The following ST6GAL2 variants were observed in gnomAD, a reference collection of about 807,000 sequenced individuals.
The protein encoded by ST6GAL2 is beta-galactoside alpha-2,6-sialyltransferase 2.
ST6GAL2 carries 24 observed loss-of-function variants against 37.5 expected under a neutral mutation model. The ratio of observed to expected loss-of-function variants is 0.64; its 90% CI spans 0.46 to 0.90. The LOEUF (loss-of-function observed/expected upper bound fraction) is 0.90. Among genes scored for constraint, ST6GAL2 ranks in the 40% least tolerant of loss-of-function variants. The pLI is 0.00. For missense variants in ST6GAL2, 715 were observed against 712.7 expected, an observed-to-expected ratio of 1.00 and a Z score of -0.04; for synonymous variants, 306 against 295.1, an observed-to-expected ratio of 1.04 and a Z score of -0.38.
intron 5 of ST6GAL2, among the ~76,000 whole-genome samples, chr2:106,824,714 C>G: frequency 6.6e-6 from 1 of 152,240 alleles, no homozygotes; most frequent in East Asian, 1.9e-4. Flanking sequence ...TGAAAATATA[C>G]AAAAATGTTA....
At position 106,830,168 on chromosome 2, in the gene ST6GAL2, A is replaced by G; in HGVS notation, c.1216T>C (p.Phe406Leu). Reference protein sequence around the residue: ...QHRQRNPNQPFYILHPKFIWQ... With the variant: ...QHRQRNPNQPLYILHPKFIWQ... ...ATAAATTTAGGATGAAGAATGTAAA[A>G]TGGCTGATTTGGGTTTCTCTGACGA... Residue 406 changes from phenylalanine to leucine, a missense_variant, in exon 5 of 6, where the codon TTT becomes CTT. By Grantham distance (22) the Phe-to-Leu change is conservative. Coordinates refer to ENST00000409382, the MANE Select transcript of ST6GAL2 (RefSeq NM_001142351.2). 6.2e-7 allele frequency: 1 copy of G among 1,613,978 alleles called. No homozygotes were observed. The highest frequency in any genetic ancestry group is 8.5e-7 in the Non-Finnish European group (1 of 1,179,984).
intron 5 of ST6GAL2, among the ~76,000 whole-genome samples, chr2:106,824,713 A>C (rs1676137519): frequency 6.6e-6 from 1 of 152,252 alleles, no homozygotes; most frequent in Non-Finnish European, 1.5e-5. Context: ...ATGAAAATAT[A>C]CAAAAATGTT....
chr2:106,822,510 T>C (rs1010214443), intron 5 of ST6GAL2, among the ~76,000 whole-genome samples: 2 of 152,142 alleles, frequency 1.3e-5, no homozygotes, highest in Non-Finnish European at 2.9e-5. Context: ...CACAAAAATA[T>C]GGAAATATAT....
chr2:106,854,037 A>G (rs558210869), intron 1 of ST6GAL2, among the ~76,000 whole-genome samples: 1 of 152,352 alleles, frequency 6.6e-6, no homozygotes, highest in Non-Finnish European at 1.5e-5. Context: ...TAATACTAAG[A>G]AGATGGAAGA....
intron 5 of ST6GAL2, among the ~76,000 whole-genome samples, chr2:106,807,463 TTATAC>T (rs1675455606): frequency 6.6e-6 from 1 of 152,202 alleles, no homozygotes; most frequent in Non-Finnish European, 1.5e-5. Context: ...GGATCAGCTC[TTATAC>T]TATAGTTGTC....
At chr2:106,885,652 G>C (rs1291699095) in intron 1 of ST6GAL2, among the ~76,000 whole-genome samples, 1 of 152,000 alleles carries the variant, frequency 6.6e-6, no homozygotes, top group Non-Finnish European at 1.5e-5. Flanking sequence ...ACCCAAAAGC[G>C]GAGTTTGCCG....
At chr2:106,818,557 C>T (rs566630447) in intron 5 of ST6GAL2, among the ~76,000 whole-genome samples, 8 of 152,120 alleles carry the variant, frequency 5.3e-5, no homozygotes, top group Non-Finnish European at 1.2e-4. Flanking sequence ...TGACCAAAAA[C>T]TTAGATCATA....
At chr2:106,870,672 G>T (rs1361255036) in intron 1 of ST6GAL2, among the ~76,000 whole-genome samples, 1 of 152,060 alleles carries the variant, frequency 6.6e-6, no homozygotes, top group Non-Finnish European at 1.5e-5. Context: ...CATTCTTCAG[G>T]TTCACAGGTT....
chr2:106,808,642 G>A (rs1675503999), intron 5 of ST6GAL2, among the ~76,000 whole-genome samples: 6 of 152,096 alleles, frequency 3.9e-5, no homozygotes, highest in Admixed American at 3.3e-4. Context: ...CCAGATGCTC[G>A]AAATGTCTGC....
intron 1 of ST6GAL2, among the ~76,000 whole-genome samples, chr2:106,847,790 G>A (rs1677200959): frequency 6.6e-6 from 1 of 151,992 alleles, no homozygotes; most frequent in African/African-American, 2.4e-5. Context: ...AGATCTAGGG[G>A]GGATGCAGTT....
intron 1 of ST6GAL2, among the ~76,000 whole-genome samples, chr2:106,872,500 G>A (rs140224444): frequency 3.3e-5 from 5 of 152,182 alleles, no homozygotes; most frequent in Non-Finnish European, 7.4e-5. Context: ...TCCACACTTA[G>A]GCTCTTCTTT....
intron 2 of ST6GAL2, among the ~76,000 whole-genome samples, chr2:106,842,054 G>A (rs1676906677): frequency 6.6e-6 from 1 of 152,176 alleles, no homozygotes; most frequent in Admixed American, 6.5e-5. Context: ...CAAGCCAGGT[G>A]AATGCTTTAA....
intron 1 of ST6GAL2, among the ~76,000 whole-genome samples, chr2:106,850,220 A>C (rs1190453504): frequency 6.6e-6 from 1 of 152,200 alleles, no homozygotes; most frequent in Admixed American, 6.5e-5. Context: ...AGAGGATGTC[A>C]GAGGACACAA....
chr2:106,837,106 C>T (rs565553044), intron 2 of ST6GAL2, among the ~76,000 whole-genome samples: 5 of 152,148 alleles, frequency 3.3e-5, no homozygotes, highest in African/African-American at 7.2e-5. Context: ...GTGACAGGCT[C>T]GCTTGATTCC....
At chr2:106,841,889 T>G (rs1281820330) in intron 2 of ST6GAL2, among the ~76,000 whole-genome samples, 1 of 152,052 alleles carries the variant, frequency 6.6e-6, no homozygotes, top group African/African-American at 2.4e-5. Context: ...TGATGGCTAA[T>G]GTTGTGTGCC....
chr2:106,841,907 C>T (rs1011669661), intron 2 of ST6GAL2, among the ~76,000 whole-genome samples: 2 of 152,194 alleles, frequency 1.3e-5, no homozygotes, highest in Non-Finnish European at 1.5e-5. Context: ...GCCATCTTGG[C>T]TAGGCCACAG....
chr2:106,843,807 C>G lies in ST6GAL2; in HGVS notation c.171G>C (p.Lys57Asn), dbSNP rs1398907540. The change falls in exon 2 of 6, where the codon AAG becomes AAC. Residue 57 changes from lysine to asparagine, a missense_variant. Physicochemically the swap from Lys to Asn is moderately conservative, Grantham distance 94 (BLOSUM62 0). Coordinates refer to ENST00000409382, the MANE Select transcript of ST6GAL2 (RefSeq NM_001142351.2). The stretch of plus-strand genomic sequence containing the variant: ...GTGCGGCGCCCATGATGGCCCGCTG[C>G]TTCCCCTGCACCGGCAGGAGCCTCC... ...ETRRLLPVQG[K>N]QRAIMGAAHE... The G allele has an allele frequency of 6.2e-7, 1 of 1,611,342 alleles. No homozygotes were observed. The highest frequency in any genetic ancestry group is 8.5e-7 in the Non-Finnish European group (1 of 1,178,696).
intron 1 of ST6GAL2, among the ~76,000 whole-genome samples, chr2:106,875,287 C>T (rs1476135150): frequency 4.6e-5 from 7 of 151,766 alleles, no homozygotes; most frequent in Non-Finnish European, 1.0e-4. Context: ...GCAATGCCCC[C>T]AACCTCAGCC....
intron 5 of ST6GAL2, among the ~76,000 whole-genome samples, chr2:106,826,012 G>A (rs1334376957): frequency 5.9e-5 from 9 of 152,288 alleles, no homozygotes; most frequent in South Asian, 4.2e-4. Context: ...TCTAACTGCC[G>A]CTGGATAATC....
Sources: allele counts gnomAD v4.1 joint callset (sites outside exome capture counted in the v4.1 genomes callset), GRCh38; gene constraint gnomAD v4.1.1; transcripts MANE v1.5; gene names NCBI Gene and HGNC (gene_info 2026-07-23, HGNC 2026-07-21).